STAG1: variants seen among roughly 807,000 people sequenced by gnomAD.
STAG1 encodes the protein cohesin subunit SA-1.
Under a neutral mutation model 170.9 loss-of-function variants are expected in STAG1, and 26 were observed. The observed-to-expected ratio is 0.15, with a 90% confidence interval of 0.11 to 0.21. The LOEUF is 0.21. Among genes scored for constraint, STAG1 ranks in the 10% least tolerant of loss-of-function variants. The pLI is 1.00. For synonymous variants in STAG1, 514 were observed against 497.7 expected (o/e 1.03, Z -0.44); for missense variants, 964 against 1,509.5 (o/e 0.64, Z 5.99).
intron 16 of STAG1, among the ~76,000 whole-genome samples, chr3:136,425,557 T>A (rs901235080): frequency 1.3e-5 from 2 of 152,034 alleles, no homozygotes; most frequent in Non-Finnish European, 2.9e-5. Flanking sequence ...TTTTAACTAA[T>A]GTAAATGTTT....
At chr3:136,365,641 A>G (rs1446344470) in intron 25 of STAG1, among the ~76,000 whole-genome samples, 1 of 152,176 alleles carries the variant, frequency 6.6e-6, no homozygotes, top group Non-Finnish European at 1.5e-5. Context: ...TTTTCTGAAC[A>G]ATACCATCGG....
chr3:136,338,394 A>T lies in STAG1; in HGVS notation c.3729T>A (p.Ser1243=), dbSNP rs1300559849. ...RAELRPDFFD[S]AAIIEDDSGF... is the part of the protein sequence containing the mutation. ...CTGAATCATCTTCTATGATAGCTGC[A>T]GAGTCAAAGAAGTCTGGCCTTAGCT... is the stretch of plus-strand genomic sequence containing the variant. The change falls in exon 33 of 34, where the codon TCT becomes TCA. Residue 1243 remains serine, a synonymous_variant. Transcript: ENST00000383202. 1 of 1,613,576 alleles carries T rather than the reference A, an allele frequency of 6.2e-7. No homozygotes were observed. The highest frequency in any genetic ancestry group is 8.5e-7 in the Non-Finnish European group (1 of 1,179,604).
chr3:136,526,648 G>T (rs1014569396), intron 6 of STAG1, among the ~76,000 whole-genome samples: 2 of 152,048 alleles, frequency 1.3e-5, no homozygotes, highest in African/African-American at 4.8e-5. Context: ...ATGTTACCTG[G>T]TTATTTTGTT....
At chr3:136,633,715 G>C (rs1163652785) in intron 1 of STAG1, among the ~76,000 whole-genome samples, 3 of 138,112 alleles carry the variant, frequency 2.2e-5, no homozygotes, top group Non-Finnish European at 3.1e-5. Flanking sequence ...AAAAAAGGGG[G>C]GGGGGGGGGT....
At chr3:136,601,835 C>T (rs1938690796) in intron 4 of STAG1, among the ~76,000 whole-genome samples, 1 of 148,806 alleles carries the variant, frequency 6.7e-6, no homozygotes, top group Admixed American at 6.7e-5. Context: ...GGCTCATTCT[C>T]CAAAAAAAAA....
intron 4 of STAG1, among the ~76,000 whole-genome samples, chr3:136,579,731 C>T (rs1053272297): frequency 2.0e-5 from 3 of 152,126 alleles, no homozygotes; most frequent in Admixed American, 6.5e-5. Flanking sequence ...GTTGGAGGGG[C>T]AACTCCTACA....
At chr3:136,444,532 C>T (rs2088720650) in intron 14 of STAG1, among the ~76,000 whole-genome samples, 2 of 152,200 alleles carry the variant, frequency 1.3e-5, no homozygotes. Flanking sequence ...TCCTGGTAAT[C>T]AGTGTTAGTC....
chr3:136,747,033 T>A (rs987213202), intron 1 of STAG1, among the ~76,000 whole-genome samples: 2 of 142,104 alleles, frequency 1.4e-5, no homozygotes, highest in Non-Finnish European at 1.5e-5. Context: ...GAGGCAGAGG[T>A]TGCAGTGAGC....
chr3:136,682,830 G>A (rs575029566), intron 1 of STAG1, among the ~76,000 whole-genome samples: 10 of 152,284 alleles, frequency 6.6e-5, no homozygotes, highest in Non-Finnish European at 1.0e-4. Flanking sequence ...CATGTTCACA[G>A]TAGCATCATT....
At chr3:136,544,361 C>G (rs1559870744) in intron 5 of STAG1, among the ~76,000 whole-genome samples, 1 of 152,144 alleles carries the variant, frequency 6.6e-6, no homozygotes, top group East Asian at 1.9e-4. Context: ...CTATACATCC[C>G]TCCAACTAGG....
intron 22 of STAG1, among the ~76,000 whole-genome samples, chr3:136,383,198 C>T (rs1240072210): frequency 1.3e-5 from 2 of 152,098 alleles, no homozygotes; most frequent in African/African-American, 4.8e-5. Flanking sequence ...CAATTTAAGA[C>T]TCCAATAGTA....
At chr3:136,345,818 A>T (rs1052170964) in intron 29 of STAG1, among the ~76,000 whole-genome samples, 3 of 151,966 alleles carry the variant, frequency 2.0e-5, no homozygotes, top group Non-Finnish European at 4.4e-5. Context: ...AGACCTGTAC[A>T]TTCTAGATGG....
rs191716891 is a variant in STAG1, at chr3:136,701,806, A to C, written c.-84+50389T>G. ...TTATAGGCACTGAAACTTCAAATGAAAATTGTTATCACAAAATTATCAAGA... is the reference window on the plus strand; with the variant it reads ...TTATAGGCACTGAAACTTCAAATGACAATTGTTATCACAAAATTATCAAGA... On this transcript the variant is annotated intron_variant, in intron 1 of 33. Transcript: ENST00000383202. 2.0e-3 allele frequency among the ~76,000 whole-genome samples: 302 copies of C among 152,308 alleles called. 1 individual carries two copies. Among genetic ancestry groups the C allele is most frequent in the Non-Finnish European group, 3.5e-3 (240 of 68,026 alleles).
At chr3:136,441,522 G>C (rs756763131) in intron 15 of STAG1, among the ~76,000 whole-genome samples, 1 of 152,200 alleles carries the variant, frequency 6.6e-6, no homozygotes, top group East Asian at 1.9e-4. Context: ...GAGGCATTTT[G>C]GGCCAGTTTA....
At position 136,745,180 on chromosome 3, in the gene STAG1, T is replaced by C. The variant is rs904002566; in HGVS notation, c.-84+7015A>G. On this transcript the variant is annotated intron_variant, in intron 1 of 33. Transcript: ENST00000383202. Reference sequence around the variant, plus strand: ...CTATTATGTTTACAGCAAAATTCCATTGAAATTCTTGGACAACTAAATGGT... The same window carrying C: ...CTATTATGTTTACAGCAAAATTCCACTGAAATTCTTGGACAACTAAATGGT... 3.3e-5 allele frequency among the ~76,000 whole-genome samples: 5 copies of C among 152,198 alleles called. No individual in the cohort carries two copies. The South Asian group carries it at 6.2e-4, about 19-fold the overall frequency.
chr3:136,702,109 G>GAC lies in STAG1; in HGVS notation c.-84+50085_-84+50086insGT, dbSNP rs1449527036. ...AGAGAGAGAGAGAGAGAGAGAGAGA[G>GAC]AGAGAGAGAGAGACAGAGAGACAGA... On this transcript the variant is annotated intron_variant, in intron 1 of 33. Coordinates refer to ENST00000383202, the MANE Select transcript of STAG1 (RefSeq NM_005862.3). Among the ~76,000 whole-genome samples the GAC allele has an allele frequency of 9.7e-4, 87 of 89,656 alleles. 1 individual carries two copies. The highest frequency in any genetic ancestry group is 6.6e-3 in the South Asian group (19 of 2,876). 58.8% of individuals were successfully genotyped at this position (89,656 alleles called of 152,430 possible).
At chr3:136,674,619 C>T (rs768576460) in intron 1 of STAG1, among the ~76,000 whole-genome samples, 18 of 152,184 alleles carry the variant, frequency 1.2e-4, no homozygotes, top group Non-Finnish European at 2.5e-4. Context: ...AAAATGTACA[C>T]TTACAATGGA....
intron 6 of STAG1, among the ~76,000 whole-genome samples, chr3:136,540,719 G>C (rs1935847303): frequency 6.7e-6 from 1 of 149,080 alleles, no homozygotes. Flanking sequence ...CTACTTGGGA[G>C]GCTGAGGCAT....
chr3:136,506,683 T>C (rs1016552980), intron 7 of STAG1, among the ~76,000 whole-genome samples: 15 of 148,298 alleles, frequency 1.0e-4, no homozygotes, highest in African/African-American at 3.7e-4. Flanking sequence ...AGAAAAAGAA[T>C]ATACTGCTGA....
Sources: gnomAD v4.1 joint callset for allele counts (sites outside exome capture counted in the v4.1 genomes callset) on GRCh38, gnomAD v4.1.1 for gene constraint, MANE v1.5 for transcripts, NCBI Gene and HGNC (gene_info 2026-07-23, HGNC 2026-07-21) for gene names.